Variants in EGFLAM observed in about 807,000 individuals in gnomAD.
EGFLAM encodes the protein pikachurin.
Under a neutral mutation model 113.1 loss-of-function variants are expected in EGFLAM, and 79 were observed. That is an observed-to-expected ratio of 0.70 (90% CI 0.58 to 0.84). The LOEUF (loss-of-function observed/expected upper bound fraction) is 0.84. EGFLAM is among the 40% of genes least tolerant of loss of function. The pLI is 0.00. For synonymous variants in EGFLAM, 504 were observed against 487.6 expected, an observed-to-expected ratio of 1.03 and a Z score of -0.44; for missense variants, 1,265 against 1,291.6, an observed-to-expected ratio of 0.98 and a Z score of 0.32.
At chr5:38,348,120 G>A (rs1222621621) in intron 3 of EGFLAM, among the ~76,000 whole-genome samples, 2 of 152,032 alleles carry the variant, frequency 1.3e-5, no homozygotes, top group Non-Finnish European at 2.9e-5. Context: ...AGTAGGAGGA[G>A]GAATGATTCA....
chr5:38,397,416 T>G (rs1185369325), intron 6 of EGFLAM, among the ~76,000 whole-genome samples: 1 of 152,154 alleles, frequency 6.6e-6, no homozygotes, highest in Non-Finnish European at 1.5e-5. Context: ...TGTGACTCAC[T>G]CACACAGCAA....
intron 5 of EGFLAM, among the ~76,000 whole-genome samples, chr5:38,361,606 G>C (rs1231358794): frequency 6.6e-6 from 1 of 151,174 alleles, no homozygotes; most frequent in Non-Finnish European, 1.5e-5. Context: ...ACACACTAAC[G>C]ATAGCTGATG....
intron 6 of EGFLAM, among the ~76,000 whole-genome samples, chr5:38,387,559 C>A (rs1740698387): frequency 6.6e-6 from 1 of 152,216 alleles, no homozygotes; most frequent in African/African-American, 2.4e-5. Flanking sequence ...AGCTCACCCA[C>A]CACACAATTC....
chr5:38,361,861 A>G (rs1476875991), intron 5 of EGFLAM, among the ~76,000 whole-genome samples: 1 of 152,024 alleles, frequency 6.6e-6, no homozygotes, highest in Non-Finnish European at 1.5e-5. Flanking sequence ...TGCAGAGATG[A>G]ACAGGTCTGT....
At chr5:38,435,326 T>C (rs142618768) in intron 16 of EGFLAM, 73 bp downstream of exon 16, 3 of 1,102,026 alleles carry the variant, frequency 2.7e-6, no homozygotes, top group Middle Eastern at 2.0e-4. Flanking sequence ...TTATGATCAG[T>C]GTCATCTGCT....
intron 20 of EGFLAM, chr5:38,460,813 A>T (rs964318831): frequency 5.3e-5 from 8 of 152,244 alleles, no homozygotes; most frequent in African/African-American, 1.9e-4. Context: ...AGCAGGCTCC[A>T]GGGTTAGAGA....
Position 38,283,264 on chromosome 5 carries a change from C to T in EGFLAM, c.97+24413C>T, listed in dbSNP as rs527443623. Among the ~76,000 whole-genome samples, 6 of 152,220 alleles carry T rather than the reference C, an allele frequency of 3.9e-5. No individual in the cohort carries two copies. The East Asian group carries it at 1.2e-3, about 29-fold the overall frequency. ...GGGATTTGGATCCAAGAACCACCTC[C>T]AACAATTACTGGAGGGGGAGGGGGG... On this transcript the variant is annotated intron_variant, in intron 1 of 21. Transcript: ENST00000322350.
At chr5:38,370,509 G>C (rs1173073904) in intron 6 of EGFLAM, 47 bp downstream of exon 6, 3 of 1,584,324 alleles carry the variant, frequency 1.9e-6, no homozygotes, top group Non-Finnish European at 2.6e-6. Context: ...TGCATATCTG[G>C]GCTTGCCTCA....
At chr5:38,419,013 G>A (rs1472627258) in intron 12 of EGFLAM, among the ~76,000 whole-genome samples, 1 of 152,280 alleles carries the variant, frequency 6.6e-6, no homozygotes, top group Admixed American at 6.5e-5. Flanking sequence ...CCCAGATCAA[G>A]GTGCCAGCCA....
At chr5:38,342,136 C>T (rs966081112) in intron 3 of EGFLAM, among the ~76,000 whole-genome samples, 5 of 152,188 alleles carry the variant, frequency 3.3e-5, no homozygotes, top group Admixed American at 2.6e-4. Context: ...TAAGCACAGA[C>T]AGCTGAATCT....
At chr5:38,407,209 GT>G in intron 8 of EGFLAM, 63 bp downstream of exon 8, 1 of 1,555,830 alleles carries the variant, frequency 6.4e-7, no homozygotes. Context: ...CCAGAGGGCA[GT>G]TTTGTGGTCC....
intron 6 of EGFLAM, among the ~76,000 whole-genome samples, chr5:38,401,438 A>C (rs1741108974): frequency 6.6e-6 from 1 of 152,174 alleles, no homozygotes; most frequent in Admixed American, 6.5e-5. Context: ...ATTTTAAGTC[A>C]ATTCTTTTCT....
chr5:38,305,521 GA>G (rs1758700168), intron 1 of EGFLAM: 2 of 450,958 alleles, frequency 4.4e-6, no homozygotes, highest in Non-Finnish European at 8.9e-6. Flanking sequence ...CAATCCAGGA[GA>G]GGGATATAAG....
chr5:38,381,144 A>G (rs938907491), intron 6 of EGFLAM, among the ~76,000 whole-genome samples: 24 of 152,192 alleles, frequency 1.6e-4, no homozygotes, highest in African/African-American at 5.1e-4. Flanking sequence ...TTATTTACTT[A>G]ATTATCCATT....
intron 6 of EGFLAM, chr5:38,401,320 T>C (rs1341676735): frequency 6.6e-6 from 1 of 152,190 alleles, no homozygotes; most frequent in Admixed American, 6.5e-5. Flanking sequence ...TATCTTTAGA[T>C]ACTTGATGCC....
chr5:38,436,533 C>T (rs1009702702), intron 16 of EGFLAM, among the ~76,000 whole-genome samples: 1 of 152,162 alleles, frequency 6.6e-6, no homozygotes, highest in Non-Finnish European at 1.5e-5. Context: ...CAGTTCAGAC[C>T]ATTCTCCCCT....
intron 19 of EGFLAM, 175 bp downstream of exon 19, chr5:38,451,633 G>C (rs558652485): frequency 4.2e-6 from 4 of 958,076 alleles, no homozygotes; most frequent in Admixed American, 3.1e-5. Flanking sequence ...TCATCTTATA[G>C]AGCAGCAGTC....
At chr5:38,330,995 G>A (rs28633382) in intron 1 of EGFLAM, among the ~76,000 whole-genome samples, 2,995 of 152,122 alleles carry the variant, frequency 0.02, 84 homozygotes, top group African/African-American at 0.062. Context: ...ACTAAAACCC[G>A]ATTAAATATG....
chr5:38,310,913 G>A (rs1738424577), intron 1 of EGFLAM, among the ~76,000 whole-genome samples: 2 of 152,108 alleles, frequency 1.3e-5, no homozygotes, highest in South Asian at 4.2e-4. Context: ...ATGCCACAGA[G>A]CCTTGTGATG....
Sources: allele counts gnomAD v4.1 joint callset (sites outside exome capture counted in the v4.1 genomes callset), GRCh38; gene constraint gnomAD v4.1.1; transcripts MANE v1.5; gene names NCBI Gene and HGNC (gene_info 2026-07-23, HGNC 2026-07-21).